RASGRF1: variants seen among roughly 807,000 people sequenced by gnomAD.
RASGRF1 encodes the protein Ras protein specific guanine nucleotide releasing factor 1.
A neutral mutation model predicts 138.7 loss-of-function variants in RASGRF1; 40 were observed. The ratio of observed to expected loss-of-function variants is 0.29; its 90% CI spans 0.22 to 0.38. The LOEUF is 0.38. RASGRF1 is among the 10% of genes least tolerant of loss of function. The probability of loss-of-function intolerance (pLI) is 1.00; values close to 1 mark genes in which losing one functional copy is unlikely to be tolerated. For synonymous variants in RASGRF1, 614 were observed against 663.2 expected, an observed-to-expected ratio of 0.93 and a Z score of 1.14; for missense variants, 1,108 against 1,650.4, an observed-to-expected ratio of 0.67 and a Z score of 5.69.
chr15:79,071,462 T>G (rs1453889228), intron 1 of RASGRF1, among the ~76,000 whole-genome samples: 1 of 151,722 alleles, frequency 6.6e-6, no homozygotes, highest in Admixed American at 6.6e-5. Flanking sequence ...CAGGTTCAAG[T>G]GATTCTCCTG....
intron 23 of RASGRF1, among the ~76,000 whole-genome samples, chr15:78,983,883 C>T (rs2056089645): frequency 6.6e-6 from 1 of 152,166 alleles, no homozygotes; most frequent in Non-Finnish European, 1.5e-5. Flanking sequence ...TGCCAAGAAG[C>T]AAGAGGCCCA....
intron 1 of RASGRF1, among the ~76,000 whole-genome samples, chr15:79,066,566 C>T (rs2057683744): frequency 6.6e-6 from 1 of 152,230 alleles, no homozygotes; most frequent in South Asian, 2.1e-4. Context: ...TGTTCTCCTT[C>T]CCTACTGGGT....
At chr15:78,972,083 T>C (rs1252056921) in intron 25 of RASGRF1, 149 bp from the exon 26 acceptor site, 29 of 730,494 alleles carry the variant, frequency 4.0e-5, no homozygotes, top group Non-Finnish European at 2.0e-5. Context: ...CACGGAGGCA[T>C]CATGTGTGTT....
chr15:78,978,411 G>A, intron 24 of RASGRF1: 4 of 634,890 alleles, frequency 6.3e-6, no homozygotes, highest in Non-Finnish European at 7.8e-6. Context: ...TTTCAGTAGA[G>A]ACAGGGTTTT....
rs2141084851 is a variant in RASGRF1 at position 79,073,744 on chromosome 15, G to A, written c.277-9218C>T. On this transcript the variant is annotated intron_variant, in intron 1 of 26. Coordinates refer to ENST00000558480, the MANE Select transcript of RASGRF1 (RefSeq NM_001145648.3). The surrounding 1 kb of genome is among the most constrained non-coding windows in gnomAD (Gnocchi z 4.2). ...TGCTGGGAATGCTGCCTGTACTGTGGTTCTTGTTCTTCCAAGAATGTCCCA... is the reference window on the plus strand; with the variant it reads ...TGCTGGGAATGCTGCCTGTACTGTGATTCTTGTTCTTCCAAGAATGTCCCA... 2.0e-5 allele frequency among the ~76,000 whole-genome samples: 3 copies of A among 152,292 alleles called. 1 individual carries two copies. In the South Asian group the frequency reaches 6.2e-4, roughly 32 times the overall value.
At chr15:78,972,506 A>G (rs1169877915) in intron 25 of RASGRF1, among the ~76,000 whole-genome samples, 1 of 151,748 alleles carries the variant, frequency 6.6e-6, no homozygotes, top group East Asian at 1.9e-4. Flanking sequence ...AATCTCCTTT[A>G]ATTAGTGGCA....
chr15:79,051,725 A>G (rs544663659), intron 3 of RASGRF1, among the ~76,000 whole-genome samples: 2 of 152,208 alleles, frequency 1.3e-5, no homozygotes, highest in East Asian at 3.9e-4. Context: ...AATAGATGCA[A>G]TTAGGTCAGG....
intron 22 of RASGRF1, among the ~76,000 whole-genome samples, chr15:78,986,792 T>C (rs1377116672): frequency 6.6e-6 from 1 of 152,188 alleles, no homozygotes; most frequent in Non-Finnish European, 1.5e-5. Flanking sequence ...TTCTAAAGGA[T>C]GCTCATCAAG....
At chr15:79,017,166 G>A (rs1353242297) in intron 12 of RASGRF1, among the ~76,000 whole-genome samples, 3 of 152,206 alleles carry the variant, frequency 2.0e-5, no homozygotes, top group Admixed American at 1.3e-4. Context: ...ACTGGTGCCT[G>A]GAAAAGTCTG....
At position 79,028,195 on chromosome 15, in the gene RASGRF1, C is replaced by T. The variant is rs552444254; in HGVS notation, c.1263-336G>A. Among the ~76,000 whole-genome samples the T allele has an allele frequency of 5.5e-4, 83 of 152,284 alleles. 2 individuals are homozygous for T. The South Asian group carries it at 0.016, about 29-fold the overall frequency. On this transcript the variant is annotated intron_variant, in intron 8 of 26. Coordinates refer to ENST00000558480, the MANE Select transcript of RASGRF1 (RefSeq NM_001145648.3). ...AGAACAGACAGCAGGTGCAGCTCAGCACTGGGAAGGATATGGGAGCACAGG... is the reference window on the plus strand; with the variant it reads ...AGAACAGACAGCAGGTGCAGCTCAGTACTGGGAAGGATATGGGAGCACAGG...
intron 19 of RASGRF1, among the ~76,000 whole-genome samples, chr15:78,996,109 T>C (rs771298550): frequency 5.3e-5 from 8 of 152,170 alleles, no homozygotes; most frequent in Admixed American, 3.3e-4. Flanking sequence ...TTCAGCCCCA[T>C]AGCTCTGGTG....
At chr15:79,015,500 C>T in intron 12 of RASGRF1, 91 bp from the exon 13 acceptor site, 1 of 1,194,664 alleles carries the variant, frequency 8.4e-7, no homozygotes, top group South Asian at 1.2e-5. Flanking sequence ...GTTCACATGC[C>T]TCAGTCTGAT....
rs1229344745 is a variant in RASGRF1 at position 79,019,973 on chromosome 15, C to T, written c.1606+68G>A. On this transcript the variant is annotated intron_variant, in intron 11 of 26. Transcript: ENST00000558480. ...CCAAAGAAACTAATGCCTGGCCCAA[C>T]CTTTAGGAGTGAGCGTGTGTGTATC... is the stretch of plus-strand genomic sequence containing the variant. 6.3e-6 allele frequency: 10 copies of T among 1,582,008 alleles called. 1 individual carries two copies. The South Asian group carries it at 7.8e-5, about 12-fold the overall frequency.
At chr15:79,021,305 T>A (rs181570969) in intron 10 of RASGRF1, among the ~76,000 whole-genome samples, 1 of 152,358 alleles carries the variant, frequency 6.6e-6, no homozygotes, top group Non-Finnish European at 1.5e-5. Flanking sequence ...CCTGGCCATG[T>A]GACTAATCTA....
At chr15:78,979,979 G>A (rs1224940557) in intron 24 of RASGRF1, among the ~76,000 whole-genome samples, 2 of 152,246 alleles carry the variant, frequency 1.3e-5, no homozygotes, top group African/African-American at 2.4e-5. Flanking sequence ...CACAGGTAGA[G>A]GCCAGAGATG....
intron 15 of RASGRF1, among the ~76,000 whole-genome samples, chr15:79,003,039 T>C (rs1292955643): frequency 6.6e-6 from 1 of 152,194 alleles, no homozygotes; most frequent in African/African-American, 2.4e-5. Context: ...CTGACACTTT[T>C]AGAACAGTCA....
chr15:79,051,091 A>C (rs1287281603), intron 3 of RASGRF1, among the ~76,000 whole-genome samples: 1 of 152,220 alleles, frequency 6.6e-6, no homozygotes, highest in Non-Finnish European at 1.5e-5. Context: ...CCACATGTCT[A>C]AAGATAGTAG....
chr15:79,060,604 G>T (rs1433905054), intron 2 of RASGRF1, among the ~76,000 whole-genome samples: 1 of 152,182 alleles, frequency 6.6e-6, no homozygotes, highest in East Asian at 1.9e-4. Flanking sequence ...CTGTCAAATG[G>T]GCTGAAGGGA....
chr15:78,991,519 G>T (rs2056266216), intron 21 of RASGRF1, among the ~76,000 whole-genome samples, 172 bp downstream of exon 21: 1 of 152,178 alleles, frequency 6.6e-6, no homozygotes, highest in Non-Finnish European at 1.5e-5. Flanking sequence ...AGAATTTGGT[G>T]GGCAGGAACG....
Sources: gnomAD v4.1 joint callset for allele counts (sites outside exome capture counted in the v4.1 genomes callset) on GRCh38, gnomAD v4.1.1 for gene constraint, Gnocchi (gnomAD v3.1) non-coding constraint, MANE v1.5 for transcripts, NCBI Gene and HGNC (gene_info 2026-07-23, HGNC 2026-07-21) for gene names.